RBFOX3: variants seen among roughly 807,000 people sequenced by gnomAD.
RBFOX3 encodes the protein RNA binding protein fox-1 homolog 3.
In RBFOX3, 17 loss-of-function variants were observed where a neutral mutation model predicts 48.7. The ratio of observed to expected loss-of-function variants is 0.35; its 90% CI spans 0.24 to 0.52. The LOEUF is 0.52. Ranked by LOEUF, RBFOX3 falls within the 20% of genes least tolerant of loss-of-function variation. RBFOX3 has a pLI of 0.94. For missense variants in RBFOX3, 382 were observed against 497.5 expected, an observed-to-expected ratio of 0.77 and a Z score of 2.21; for synonymous variants, 212 against 209.5, an observed-to-expected ratio of 1.01 and a Z score of -0.10.
chr17:79,544,923 A>G (rs2090192965), intron 1 of RBFOX3, among the ~76,000 whole-genome samples: 1 of 151,780 alleles, frequency 6.6e-6, no homozygotes, highest in Non-Finnish European at 1.5e-5. Context: ...GGGATAAAAA[A>G]TAACATAAAA....
At chr17:79,514,982 C>G (rs1456693874) in intron 1 of RBFOX3, among the ~76,000 whole-genome samples, 9 of 152,178 alleles carry the variant, frequency 5.9e-5, no homozygotes, top group Admixed American at 5.9e-4. Flanking sequence ...TTCCCTAGAG[C>G]CGTCACCTCT....
chr17:79,286,949 T>C (rs965757452), intron 3 of RBFOX3, among the ~76,000 whole-genome samples: 1 of 152,162 alleles, frequency 6.6e-6, no homozygotes, highest in Non-Finnish European at 1.5e-5. Context: ...TATGTGCGTG[T>C]CAAGTGAGGT....
At chr17:79,187,726 C>T (rs554044794) in intron 4 of RBFOX3, among the ~76,000 whole-genome samples, 11 of 152,210 alleles carry the variant, frequency 7.2e-5, no homozygotes, top group Admixed American at 2.0e-4. Context: ...GAATTAATGT[C>T]CCAATTCAGC....
rs145529880 is a variant in RBFOX3 at position 79,365,589 on chromosome 17, G to A, written c.-174-57765C>T. On this transcript the variant is annotated intron_variant, in intron 2 of 14. Transcript: ENST00000693108. ...ACAATGAGTGCCCACTGAAGCCGGCGCGGCGGCAGGTGAAAAATGCTTTAA... is the reference window on the plus strand; with the variant it reads ...ACAATGAGTGCCCACTGAAGCCGGCACGGCGGCAGGTGAAAAATGCTTTAA... Among the ~76,000 whole-genome samples the A allele has an allele frequency of 2.3e-3, 350 of 152,344 alleles. 2 individuals are homozygous for A. The highest frequency in any genetic ancestry group is 7.9e-3 in the African/African-American group (329 of 41,574).
intron 1 of RBFOX3, among the ~76,000 whole-genome samples, chr17:79,549,952 G>A (rs1465227731): frequency 5.9e-5 from 9 of 152,146 alleles, no homozygotes; most frequent in Non-Finnish European, 7.4e-5. Flanking sequence ...AAAAAAAAAC[G>A]TGGACAGCTA....
intron 4 of RBFOX3, among the ~76,000 whole-genome samples, chr17:79,210,647 G>A (rs1420318549): frequency 6.6e-6 from 1 of 152,188 alleles, no homozygotes; most frequent in Non-Finnish European, 1.5e-5. Context: ...TGAAGGGTCG[G>A]GTGGCTCTTG....
intron 10 of RBFOX3, 81 bp from the exon 11 acceptor site, chr17:79,097,505 C>CG: frequency 7.0e-7 from 1 of 1,435,888 alleles, no homozygotes; most frequent in Non-Finnish European, 9.2e-7. Flanking sequence ...ACCTAGCCCC[C>CG]CCGCGCACCT....
At chr17:79,370,912 G>C (rs1470662281) in intron 2 of RBFOX3, among the ~76,000 whole-genome samples, 1 of 152,224 alleles carries the variant, frequency 6.6e-6, no homozygotes, top group Admixed American at 6.5e-5. Flanking sequence ...GGAGAAACCA[G>C]TGCCCCCATG....
At position 79,110,091 on chromosome 17, in the gene RBFOX3, C is replaced by T. The variant is rs572827587; in HGVS notation, c.223-3303G>A. Among the ~76,000 whole-genome samples the T allele has an allele frequency of 5.3e-5, 8 of 151,364 alleles. No homozygotes were observed. The East Asian group carries it at 7.8e-4, about 15-fold the overall frequency. ...ACTGTAGCGGTCCAGCAGCCTCCAC[C>T]GCCTTTCCAGCTTTCTCAGGGGCTT... On this transcript the variant is annotated intron_variant, in intron 5 of 14. Transcript: ENST00000693108.
Position 79,391,313 on chromosome 17 carries a change from T to C in RBFOX3, c.-174-83489A>G, listed in dbSNP as rs1381940066. Among the ~76,000 whole-genome samples the C allele has an allele frequency of 6.6e-6, 1 of 152,120 alleles. No individual in the cohort carries two copies. The highest frequency in any genetic ancestry group is 6.5e-5 in the Admixed American group (1 of 15,284). ...TCTCACCTGACCCTCAATGACCAGCTGTCTCAGGGGGAGAAAAAGGGAGGA... is the reference window on the plus strand; with the variant it reads ...TCTCACCTGACCCTCAATGACCAGCCGTCTCAGGGGGAGAAAAAGGGAGGA... On this transcript the variant is annotated intron_variant, in intron 2 of 14. Transcript: ENST00000693108. The surrounding 1 kb of genome is among the most constrained non-coding windows in gnomAD (Gnocchi z 5.0).
intron 2 of RBFOX3, among the ~76,000 whole-genome samples, chr17:79,345,507 G>C (rs890039226): frequency 1.6e-4 from 24 of 152,142 alleles, no homozygotes; most frequent in African/African-American, 5.8e-4. Context: ...TGAAAGTCTT[G>C]CCAATCAAAT....
intron 4 of RBFOX3, among the ~76,000 whole-genome samples, chr17:79,164,532 G>T (rs561006734): frequency 6.6e-6 from 1 of 152,340 alleles, no homozygotes; most frequent in South Asian, 2.1e-4. Flanking sequence ...AACACCTTGG[G>T]TGCCTTGGCG....
intron 4 of RBFOX3, among the ~76,000 whole-genome samples, chr17:79,184,487 A>G (rs991769360): frequency 1.6e-4 from 25 of 152,136 alleles, no homozygotes; most frequent in Non-Finnish European, 2.8e-4. Flanking sequence ...CTGCAGCTTC[A>G]GCGGCCACAC....
chr17:79,373,561 C>T (rs997839448), intron 2 of RBFOX3, among the ~76,000 whole-genome samples: 23 of 151,982 alleles, frequency 1.5e-4, no homozygotes, highest in African/African-American at 4.8e-4. Context: ...CTGAGCATTT[C>T]GCAAACACTC....
chr17:79,477,677 G>C lies in RBFOX3; in HGVS notation c.-175+4777C>G, dbSNP rs1354303187. Among the ~76,000 whole-genome samples, 4 of 152,310 alleles carry C rather than the reference G, an allele frequency of 2.6e-5. No homozygotes were observed. The highest frequency in any genetic ancestry group is 7.2e-5 in the African/African-American group (3 of 41,558). On this transcript the variant is annotated intron_variant, in intron 2 of 14. Coordinates refer to ENST00000693108, the MANE Select transcript of RBFOX3 (RefSeq NM_001350451.2). The surrounding 1 kb of genome is among the most constrained non-coding windows in gnomAD (Gnocchi z 4.8). ...AGGGACATCCTCAGAGCTTGCTCTG[G>C]TGGTGAACAAGCAAAGGGGCAGGGT...
At chr17:79,208,117 C>T (rs1393670798) in intron 4 of RBFOX3, among the ~76,000 whole-genome samples, 1 of 152,026 alleles carries the variant, frequency 6.6e-6, no homozygotes. Context: ...ACTGCAGAAA[C>T]ACTCCCTCTC....
At chr17:79,436,305 G>C (rs2069434494) in intron 2 of RBFOX3, among the ~76,000 whole-genome samples, 2 of 152,254 alleles carry the variant, frequency 1.3e-5, no homozygotes, top group South Asian at 4.1e-4. Context: ...GGCAGGGGAA[G>C]GTCATTCCGA....
At position 79,323,807 on chromosome 17, in the gene RBFOX3, C is replaced by T. The variant is rs139084927; in HGVS notation, c.-174-15983G>A. ...GTGGAGCAATGCACCAATGCGAGCC[C>T]GCAGTGAGGGTTCATTACCATGCAG... On this transcript the variant is annotated intron_variant, in intron 2 of 14. Coordinates refer to ENST00000693108, the MANE Select transcript of RBFOX3 (RefSeq NM_001350451.2). Among the ~76,000 whole-genome samples the T allele has an allele frequency of 2.9e-4, 44 of 152,332 alleles. No homozygotes were observed. The Middle Eastern group carries it at 0.01, about 35-fold the overall frequency.
chr17:79,654,256 C>T, the RBFOX3 span, among the ~76,000 whole-genome samples: 3 of 152,308 alleles, frequency 2.0e-5, no homozygotes, highest in South Asian at 4.1e-4. Context: ...CAGCCAGTCT[C>T]TGACCAGCTT....
Sources: gnomAD v4.1 joint callset for allele counts (sites outside exome capture counted in the v4.1 genomes callset) on GRCh38, gnomAD v4.1.1 for gene constraint, Gnocchi (gnomAD v3.1) non-coding constraint, MANE v1.5 for transcripts, NCBI Gene and HGNC (gene_info 2026-07-23, HGNC 2026-07-21) for gene names.